PITPNC1: variants seen among roughly 807,000 people sequenced by gnomAD.
PITPNC1 encodes the protein phosphatidylinositol transfer protein cytoplasmic 1.
PITPNC1 carries 18 observed loss-of-function variants against 44.7 expected under a neutral mutation model. The observed-to-expected ratio is 0.40, with a 90% confidence interval of 0.28 to 0.60. PITPNC1 has a LOEUF of 0.60. Among genes scored for constraint, PITPNC1 ranks in the 20% least tolerant of loss-of-function variants. The pLI is 0.39. For synonymous variants in PITPNC1, 141 were observed against 149.6 expected, an observed-to-expected ratio of 0.94 and a Z score of 0.42; for missense variants, 290 against 418.4, an observed-to-expected ratio of 0.69 and a Z score of 2.68.
At chr17:67,610,754 C>T (rs2041676777) in intron 5 of PITPNC1, among the ~76,000 whole-genome samples, 1 of 152,010 alleles carries the variant, frequency 6.6e-6, no homozygotes, top group Non-Finnish European at 1.5e-5. Context: ...AACCCTATCT[C>T]TACCAAAAAT....
chr17:67,428,573 C>T (rs1006225268), intron 1 of PITPNC1, among the ~76,000 whole-genome samples: 6 of 150,888 alleles, frequency 4.0e-5, no homozygotes, highest in Admixed American at 1.3e-4. Context: ...AAACATACTG[C>T]GCCTAGCAAT....
chr17:67,561,397 A>G (rs1392513016), intron 4 of PITPNC1, among the ~76,000 whole-genome samples: 1 of 152,080 alleles, frequency 6.6e-6, no homozygotes, highest in Non-Finnish European at 1.5e-5. Flanking sequence ...CGGAGGTTGC[A>G]ATGAGCCGAT....
At chr17:67,665,368 C>T (rs1365728859) in intron 6 of PITPNC1, among the ~76,000 whole-genome samples, 2 of 152,188 alleles carry the variant, frequency 1.3e-5, no homozygotes, top group Non-Finnish European at 2.9e-5. Context: ...GCTAGGGTTA[C>T]AGGCGTGAGC....
At chr17:67,595,493 G>C (rs563107663) in intron 5 of PITPNC1, among the ~76,000 whole-genome samples, 1 of 151,542 alleles carries the variant, frequency 6.6e-6, no homozygotes, top group South Asian at 2.1e-4. Flanking sequence ...GATAATAGGA[G>C]CTGAGCTTAC....
Position 67,492,012 on chromosome 17 carries a change from T to TA in PITPNC1, c.49-40779dup, listed in dbSNP as rs148758121. On this transcript the variant is annotated intron_variant, in intron 1 of 8. Transcript: ENST00000581322. ...TCTTCCTTTTTTTTTCTTTTTTTTT[T>TA]AAAAAAAAAAAGATGTGCAAGATGC... Among the ~76,000 whole-genome samples, 842 of 147,606 alleles carry TA rather than the reference T, an allele frequency of 5.7e-3. 16 individuals are homozygous for TA. The highest frequency in any genetic ancestry group is 0.019 in the African/African-American group (778 of 40,072).
In PITPNC1 at chr17:67,490,960, T is replaced by C. The variant is rs150432188; in HGVS notation, c.49-41842T>C. On this transcript the variant is annotated intron_variant, in intron 1 of 8. Transcript: ENST00000581322. ...AGGAATGTGAATGGCTGAGGTTTTG[T>C]TTTGTTTTGTTTTCCTCTCTAGATT... Among the ~76,000 whole-genome samples the C allele has an allele frequency of 3.7e-3, 569 of 152,352 alleles. 5 individuals carry two copies. Among genetic ancestry groups the C allele is most frequent in the African/African-American group, 0.013 (549 of 41,590 alleles).
chr17:67,527,767 G>A (rs763319555), intron 1 of PITPNC1, among the ~76,000 whole-genome samples: 4 of 152,110 alleles, frequency 2.6e-5, no homozygotes, highest in Non-Finnish European at 5.9e-5. Flanking sequence ...CACTTTAGGA[G>A]GCCAAAGTGG....
intron 4 of PITPNC1, among the ~76,000 whole-genome samples, chr17:67,557,625 C>T (rs1022188321): frequency 3.3e-5 from 5 of 152,096 alleles, no homozygotes; most frequent in African/African-American, 7.2e-5. Flanking sequence ...TGCAGTCCTC[C>T]GGGCCCACAG....
At chr17:67,609,532 C>T (rs1472656237) in intron 5 of PITPNC1, among the ~76,000 whole-genome samples, 1 of 151,916 alleles carries the variant, frequency 6.6e-6, no homozygotes, top group Non-Finnish European at 1.5e-5. Flanking sequence ...TCAGGTAATC[C>T]GCCCACCTCA....
intron 2 of PITPNC1, among the ~76,000 whole-genome samples, chr17:67,544,158 G>A (rs2040646348): frequency 6.6e-6 from 1 of 152,138 alleles, no homozygotes; most frequent in Non-Finnish European, 1.5e-5. Context: ...GCGTGTGCTT[G>A]GGCTTTTGAT....
At chr17:67,485,784 T>G (rs1197908260) in intron 1 of PITPNC1, among the ~76,000 whole-genome samples, 1 of 152,140 alleles carries the variant, frequency 6.6e-6, no homozygotes, top group Non-Finnish European at 1.5e-5. Context: ...GAAAAATGAC[T>G]TCTTCGGTCA....
At chr17:67,685,971 C>T (rs2042807821) in intron 8 of PITPNC1, among the ~76,000 whole-genome samples, 3 of 151,980 alleles carry the variant, frequency 2.0e-5, no homozygotes, top group South Asian at 2.1e-4. Flanking sequence ...GCTGGGATTA[C>T]AGGCGCCCTC....
chr17:67,566,640 A>ATTATTTCAATACAAATAATT (rs2040984909), intron 4 of PITPNC1, among the ~76,000 whole-genome samples: 1 of 152,248 alleles, frequency 6.6e-6, no homozygotes, highest in East Asian at 1.9e-4. Flanking sequence ...AATTTCTGAA[A>ATTATTTCAATACAAATAATT]TGAATAATTA....
intron 1 of PITPNC1, among the ~76,000 whole-genome samples, chr17:67,484,119 T>C (rs968865105): frequency 6.6e-6 from 1 of 152,062 alleles, no homozygotes; most frequent in Non-Finnish European, 1.5e-5. Context: ...GGTTTCTCCA[T>C]GTTGGTTAGG....
At chr17:67,654,165 T>C (rs1055987459) in intron 6 of PITPNC1, among the ~76,000 whole-genome samples, 10 of 152,196 alleles carry the variant, frequency 6.6e-5, no homozygotes, top group Non-Finnish European at 8.8e-5. Context: ...TACTGAGCAC[T>C]GAAGACTGTC....
intron 5 of PITPNC1, among the ~76,000 whole-genome samples, chr17:67,607,455 C>G (rs1399526672): frequency 6.6e-6 from 1 of 152,214 alleles, no homozygotes; most frequent in Non-Finnish European, 1.5e-5. Context: ...GTAAGCAACT[C>G]TCAGAGGCTA....
rs900347890 is a variant in PITPNC1 at position 67,597,147 on chromosome 17, G to A, written c.366+18890G>A. Among the ~76,000 whole-genome samples the A allele has an allele frequency of 6.6e-6, 1 of 152,006 alleles. No individual in the cohort carries two copies. The highest frequency in any genetic ancestry group is 6.6e-5 in the Admixed American group (1 of 15,260). ...GGGCTCAAGTGATGCCCCCACCTTG[G>A]CCTCCCAAACTGCTGGGATTATAGG... On this transcript the variant is annotated intron_variant, in intron 5 of 8. Transcript: ENST00000581322. The surrounding 1 kb of genome is among the most constrained non-coding windows in gnomAD (Gnocchi z 4.0).
chr17:67,554,693 G>A (rs577310861), intron 4 of PITPNC1, among the ~76,000 whole-genome samples: 67 of 152,306 alleles, frequency 4.4e-4, no homozygotes, highest in Admixed American at 1.2e-3. Flanking sequence ...AGTACCCAAC[G>A]CATCGTAGGT....
intron 1 of PITPNC1, among the ~76,000 whole-genome samples, chr17:67,466,667 A>G (rs1180323135): frequency 6.6e-6 from 1 of 151,478 alleles, no homozygotes; most frequent in Non-Finnish European, 1.5e-5. Flanking sequence ...AAAAACCCCC[A>G]CTCTTGGACA....
Sources: allele counts gnomAD v4.1 joint callset (sites outside exome capture counted in the v4.1 genomes callset), GRCh38; gene constraint gnomAD v4.1.1; non-coding constraint Gnocchi (gnomAD v3.1); transcripts MANE v1.5; gene names NCBI Gene and HGNC (gene_info 2026-07-23, HGNC 2026-07-21).